The following ZNF763 variants were observed in gnomAD, a reference collection of about 807,000 sequenced individuals.
The protein encoded by ZNF763 is zinc finger protein 763.
A neutral mutation model predicts 38.0 loss-of-function variants in ZNF763; 33 were observed. The observed-to-expected ratio is 0.87, with a 90% CI of 0.66 to 1.16. The LOEUF (loss-of-function observed/expected upper bound fraction) is 1.16, where lower values mean the gene tolerates loss of function less well. ZNF763 is among the 50% of genes most tolerant of loss of function. ZNF763 has a pLI of 0.00. For missense variants in ZNF763, 423 were observed against 469.1 expected (o/e 0.90, Z 0.91); for synonymous variants, 155 against 160.1 (o/e 0.97, Z 0.24).
rs1368089267 is a variant in ZNF763 at position 11,965,113 on chromosome 19, C to T, written c.-96C>T. 6 of 1,539,416 alleles carry T rather than the reference C, an allele frequency of 3.9e-6. No homozygotes were observed. Among genetic ancestry groups the T allele is most frequent in the Non-Finnish European group, 5.4e-6 (6 of 1,113,766 alleles). Reference sequence around the variant, plus strand: ...TCCATCCCCGAGAGGGACCTGGTACCTCTACCCAGGTTTCTATCGCTCTGT... The same window carrying T: ...TCCATCCCCGAGAGGGACCTGGTACTTCTACCCAGGTTTCTATCGCTCTGT... On this transcript the variant is annotated 5_prime_UTR_variant, in exon 1 of 4. Transcript: ENST00000358987.
rs545488873 is a variant in ZNF763, at chr19:11,976,759, G to C, written c.4-279G>C. Reference sequence around the variant, plus strand: ...CGCATGCCTGTAATCCCAGCTACTCGGGAGGCTGAGGCAGGAGAATCGCTT... The same window carrying C: ...CGCATGCCTGTAATCCCAGCTACTCCGGAGGCTGAGGCAGGAGAATCGCTT... On this transcript the variant is annotated intron_variant, in intron 1 of 3. Transcript: ENST00000358987. The C allele has an allele frequency of 2.0e-4, 129 of 643,514 alleles. No homozygotes were observed. In the South Asian group the frequency reaches 3.2e-3, roughly 16 times the overall value. 39.9% of individuals were successfully genotyped at this position (643,514 alleles called of 1,614,324 possible).
At chr19:11,977,486 A>G in intron 3 of ZNF763, 55 bp downstream of exon 3, 1 of 1,583,880 alleles carries the variant, frequency 6.3e-7, no homozygotes, top group Non-Finnish European at 8.6e-7. Flanking sequence ...GTATATGATA[A>G]TATGTTGAAG....
intron 1 of ZNF763, among the ~76,000 whole-genome samples, chr19:11,974,190 C>CTCTCTTTTTTTTGTTT (rs1973432735): frequency 2.4e-5 from 1 of 41,142 alleles, no homozygotes; most frequent in African/African-American, 8.0e-5. Context: ...TTCTTTCTTT[C>CTCTCTTTTTTTTGTTT]TTTCTCTCTT....
At position 11,965,099 on chromosome 19, in the gene ZNF763, G is replaced by C; in HGVS notation, c.-110G>C. 2 of 1,465,400 alleles carry C rather than the reference G, an allele frequency of 1.4e-6. No homozygotes were observed. The highest frequency in any genetic ancestry group is 2.3e-5 in the South Asian group (2 of 87,328). The allele number at this position is 1,465,400 out of a possible 1,614,324, so 90.8% of individuals were successfully genotyped here. A position where few individuals can be genotyped will look rare whatever the true frequency, so the allele number is the denominator to read the frequency against. Reference sequence around the variant, plus strand: ...TGATATCCGCTGTATCCATCCCCGAGAGGGACCTGGTACCTCTACCCAGGT... The same window carrying C: ...TGATATCCGCTGTATCCATCCCCGACAGGGACCTGGTACCTCTACCCAGGT... On this transcript the variant is annotated 5_prime_UTR_variant, in exon 1 of 4. Transcript: ENST00000358987.
Position 11,980,227 on chromosome 19 carries a change from A to G in ZNF763, c.*1118A>G. ...AAACCCCTGTCTCTACTAAAACTAC[A>G]AAAATTGGCCAGGCGTGGTGGCCTG... On this transcript the variant is annotated 3_prime_UTR_variant, in exon 4 of 4. Transcript: ENST00000358987. The G allele has an allele frequency of 2.5e-6, 1 of 398,952 alleles. No homozygotes were observed. Among genetic ancestry groups the G allele is most frequent in the Non-Finnish European group, 4.5e-6 (1 of 220,740 alleles). 24.7% of individuals were successfully genotyped at this position (398,952 alleles called of 1,614,324 possible).
rs552427455 is a variant in ZNF763 at position 11,967,331 on chromosome 19, C to T, written c.3+2120C>T. ...CAGTGTGGGTAACAGAGTGAGACCC[C>T]ATCTCAAAAAACAAAAACAAAATAA... On this transcript the variant is annotated intron_variant, in intron 1 of 3. Coordinates refer to ENST00000358987, the MANE Select transcript of ZNF763 (RefSeq NM_001367172.2). 1.3e-3 allele frequency among the ~76,000 whole-genome samples: 200 copies of T among 152,122 alleles called. 2 individuals carry two copies. Among genetic ancestry groups the T allele is most frequent in the African/African-American group, 4.6e-3 (192 of 41,504 alleles).
intron 1 of ZNF763, among the ~76,000 whole-genome samples, chr19:11,974,612 CG>C (rs1394623387): frequency 1.7e-5 from 1 of 58,668 alleles, no homozygotes; most frequent in Non-Finnish European, 3.3e-5. Flanking sequence ...TTTTTTTGGG[CG>C]GGGGGGTGGG....
rs562370017 is a variant in ZNF763 at position 11,977,364 on chromosome 19, A to G, written c.131-7A>G. ...TTCAGGACTACTTTTCTGTGTCTGT[A>G]TTTTAGGGAAAAAGTGGAAAGACCA... On this transcript the variant is annotated splice_polypyrimidine_tract_variant and splice_region_variant and intron_variant, in intron 2 of 3. Coordinates refer to ENST00000358987, the MANE Select transcript of ZNF763 (RefSeq NM_001367172.2). 2.4e-5 allele frequency: 38 copies of G among 1,613,692 alleles called. No homozygotes were observed. Among genetic ancestry groups the G allele is most frequent in the Admixed American group, 8.3e-5 (5 of 59,962 alleles).
At chr19:11,976,844 G>A (rs1973502313) in intron 1 of ZNF763, 194 bp from the exon 2 acceptor site, 1 of 1,421,978 alleles carries the variant, frequency 7.0e-7, no homozygotes, top group East Asian at 2.6e-5. Flanking sequence ...ACAAGTTGTT[G>A]TTTTGAAAAT....
rs1973571343 is a variant in ZNF763, at chr19:11,979,343, G to A, written c.*234G>A. The A allele has an allele frequency of 3.1e-6, 5 of 1,608,452 alleles. No homozygotes were observed. Among genetic ancestry groups the A allele is most frequent in the African/African-American group, 1.4e-5 (1 of 73,914 alleles). On this transcript the variant is annotated 3_prime_UTR_variant, in exon 4 of 4. Coordinates refer to ENST00000358987, the MANE Select transcript of ZNF763 (RefSeq NM_001367172.2). Reference sequence around the variant, plus strand: ...CTTCGAAGGCATGGTAGGACTCACTGGAGAGAAACCCTATGAGTGTAAGGA... The same window carrying A: ...CTTCGAAGGCATGGTAGGACTCACTAGAGAGAAACCCTATGAGTGTAAGGA...
Position 11,978,920 on chromosome 19 carries a change from G to T in ZNF763, c.996G>T (p.Arg332Ser). ...RSYRSYLRHKRSHTGEKPYQC... is the reference protein window; with the variant it reads ...RSYRSYLRHKSSHTGEKPYQC... ...ACAGATCCTATCTTAGACATAAAAG[G>T]AGTCACACGGGAGAGAAGCCTTATC... Residue 332 changes from arginine to serine, a missense_variant, in exon 4 of 4, where the codon AGG (arginine) becomes AGT (serine). Arg to Ser is a moderately radical substitution (Grantham distance 110, BLOSUM62 -1). Transcript: ENST00000358987. The T allele has an allele frequency of 6.2e-7, 1 of 1,614,116 alleles. No homozygotes were observed. Among genetic ancestry groups the T allele is most frequent in the Non-Finnish European group, 8.5e-7 (1 of 1,180,012 alleles).
Position 11,979,170 on chromosome 19 carries a change from TCA to T in ZNF763, c.*65_*66del. 1 of 1,611,984 alleles carries T rather than the reference TCA, an allele frequency of 6.2e-7. No individual in the cohort carries two copies. Among genetic ancestry groups the T allele is most frequent in the Non-Finnish European group, 8.5e-7 (1 of 1,179,550 alleles). ...AGTCATTTCGAAGACATGAAAAAACTCACACTGGAGAGAAACCCTATAAATGC... is the reference window on the plus strand; with the variant it reads ...AGTCATTTCGAAGACATGAAAAAACTCACTGGAGAGAAACCCTATAAATGC... On this transcript the variant is annotated 3_prime_UTR_variant, in exon 4 of 4. Transcript: ENST00000358987.
At chr19:11,974,078 TTTCTTTC>T (rs1973411138) in intron 1 of ZNF763, among the ~76,000 whole-genome samples, 1 of 62,714 alleles carries the variant, frequency 1.6e-5, no homozygotes, top group Non-Finnish European at 3.2e-5. Context: ...CTTTTCTTTC[TTTCTTTC>T]TTTCTTTCTT....
chr19:11,972,513 G>A (rs994542709), intron 1 of ZNF763, among the ~76,000 whole-genome samples: 1 of 152,016 alleles, frequency 6.6e-6, no homozygotes, highest in Non-Finnish European at 1.5e-5. Context: ...AGCCAGTATT[G>A]GGAATAAGAT....
chr19:11,980,334 T>TC lies in ZNF763; in HGVS notation c.*1225_*1226insC. 1 of 216,002 alleles carries TC rather than the reference T, an allele frequency of 4.6e-6. No individual in the cohort carries two copies. The allele number at this position is 216,002 out of a possible 1,614,324, so 13.4% of individuals were successfully genotyped here. A position where few individuals can be genotyped will look rare whatever the true frequency, so the allele number is the denominator to read the frequency against. On this transcript the variant is annotated 3_prime_UTR_variant, in exon 4 of 4. Coordinates refer to ENST00000358987, the MANE Select transcript of ZNF763 (RefSeq NM_001367172.2). ...GGGCAGAGGTTGCAGTGAGCCAAGA[T>TC]TGTGCCATTGCACTCTAGCCTGGGC...
At chr19:11,965,520 G>A (rs1273217211) in intron 1 of ZNF763, among the ~76,000 whole-genome samples, 1 of 152,254 alleles carries the variant, frequency 6.6e-6, no homozygotes, top group East Asian at 1.9e-4. Flanking sequence ...GGGTCATGGG[G>A]GAAATCCTGA....
At chr19:11,969,349 T>G (rs1012970231) in intron 1 of ZNF763, among the ~76,000 whole-genome samples, 1 of 152,176 alleles carries the variant, frequency 6.6e-6, no homozygotes, top group African/African-American at 2.4e-5. Context: ...AAGTGGTCCA[T>G]CCACCTTGGC....
chr19:11,966,104 G>C (rs1973223349), intron 1 of ZNF763, among the ~76,000 whole-genome samples: 3 of 152,178 alleles, frequency 2.0e-5, no homozygotes, highest in Admixed American at 2.0e-4. Context: ...TGAATTCCAA[G>C]GCATGACTTA....
In ZNF763 at chr19:11,966,193, T is replaced by G. The variant is rs7259805; in HGVS notation, c.3+982T>G. On this transcript the variant is annotated intron_variant, in intron 1 of 3. Transcript: ENST00000358987. ...CAAGGAGTCTGTTTTTCCAGTCAGA[T>G]AATGTCTGTTTTTACATGAATGTGC... Among the ~76,000 whole-genome samples the G allele has an allele frequency of 1.7e-3, 258 of 152,292 alleles. 2 individuals are homozygous for G. Among genetic ancestry groups the G allele is most frequent in the African/African-American group, 5.7e-3 (237 of 41,560 alleles).
Sources: allele counts gnomAD v4.1 joint callset (sites outside exome capture counted in the v4.1 genomes callset), GRCh38; gene constraint gnomAD v4.1.1; transcripts MANE v1.5; gene names NCBI Gene and HGNC (gene_info 2026-07-23, HGNC 2026-07-21).